Variants in LINS1 observed in about 807,000 individuals in gnomAD.
The protein encoded by LINS1 is protein Lines homolog 1.
Under a neutral mutation model 41.6 loss-of-function variants are expected in LINS1, and 27 were observed. The observed-to-expected ratio is 0.65, with a 90% CI of 0.48 to 0.89. The LOEUF (loss-of-function observed/expected upper bound fraction) is 0.89. LINS1 is among the 40% of genes least tolerant of loss of function. The pLI is 0.00. For synonymous variants in LINS1, 336 were observed against 312.9 expected (o/e 1.07, Z -0.78); for missense variants, 955 against 884.1 (o/e 1.08, Z -1.02).
Position 100,574,024 on chromosome 15 carries a change from C to T in LINS1, c.849G>A (p.Met283Ile), listed in dbSNP as rs756116468. The T allele has an allele frequency of 2.5e-6, 4 of 1,613,856 alleles. No homozygotes were observed. In the African/African-American group the frequency reaches 5.3e-5, roughly 22 times the overall value. Residue 283 changes from methionine (M) to isoleucine (I), a missense_variant, in exon 5 of 7, where the codon ATG (methionine) becomes ATA (isoleucine). Coordinates refer to ENST00000314742, the MANE Select transcript of LINS1 (RefSeq NM_001040616.3). ...GAATAGGCCAGGTAATAACTTCTAGCATGCAAGATGGTTTCAAAAATAAAA... is the reference window on the plus strand; with the variant it reads ...GAATAGGCCAGGTAATAACTTCTAGTATGCAAGATGGTTTCAAAAATAAAA... ...QRILFLKPSC[M>I]LEVITWPIQA... is the part of the protein sequence containing the mutation.
chr15:100,571,804 A>G, intron 6 of LINS1, 90 bp downstream of exon 6: 3 of 1,459,944 alleles, frequency 2.1e-6, no homozygotes, highest in South Asian at 1.2e-5. Flanking sequence ...CAAATGATGA[A>G]AGTAAGCAAC....
intron 1 of LINS1, among the ~76,000 whole-genome samples, chr15:100,591,175 C>T (rs62037127): frequency 0.15 from 23,110 of 152,052 alleles, 2,228 homozygotes; most frequent in South Asian, 0.23. Flanking sequence ...AAAACTCTGT[C>T]TCAAAAAATA....
chr15:100,600,785 C>A (rs577284259), intron 1 of LINS1, among the ~76,000 whole-genome samples: 1 of 152,206 alleles, frequency 6.6e-6, no homozygotes, highest in Non-Finnish European at 1.5e-5. Flanking sequence ...CACTACTGCA[C>A]TTCTACTCTG....
At chr15:100,571,540 A>T (rs2037823876) in intron 6 of LINS1, among the ~76,000 whole-genome samples, 1 of 152,248 alleles carries the variant, frequency 6.6e-6, no homozygotes, top group African/African-American at 2.4e-5. Context: ...AAAGGCAAAG[A>T]TCATCTTACT....
chr15:100,597,026 G>A (rs1470780530), intron 1 of LINS1: 2 of 152,192 alleles, frequency 1.3e-5, no homozygotes, highest in South Asian at 2.1e-4. Context: ...TAGAATATTT[G>A]TGCCTTCATC....
chr15:100,596,112 T>C (rs1255792243), intron 1 of LINS1, among the ~76,000 whole-genome samples: 1 of 152,216 alleles, frequency 6.6e-6, no homozygotes, highest in East Asian at 1.9e-4. Context: ...GAAGGCAGGC[T>C]GGACTTTCAA....
chr15:100,593,894 C>T (rs896445613), intron 1 of LINS1, among the ~76,000 whole-genome samples: 3 of 152,170 alleles, frequency 2.0e-5, no homozygotes, highest in Admixed American at 1.3e-4. Context: ...CCAATATAAA[C>T]TAAGATTAAT....
At position 100,600,551 on chromosome 15, in the gene LINS1, CAA is replaced by C. The variant is rs56911211; in HGVS notation, c.-104+1568_-104+1569del. ...TTTACATTGGAGTCCTGCTGTTAAG[CAA>C]AAAAAAAAAAAAAAAAAACAGGGAG... On this transcript the variant is annotated intron_variant, in intron 1 of 6. Transcript: ENST00000314742. Among the ~76,000 whole-genome samples, 679 of 79,636 alleles carry C rather than the reference CAA, an allele frequency of 8.5e-3. 8 individuals carry two copies. The highest frequency in any genetic ancestry group is 0.037 in the African/African-American group (551 of 14,968). The allele number at this position is 79,636 out of a possible 152,430, so 52.2% of individuals were successfully genotyped here. A position where few individuals can be genotyped will look rare whatever the true frequency, so the allele number is the denominator to read the frequency against.
At position 100,574,155 on chromosome 15, in the gene LINS1, G is replaced by A. The variant is rs145145735; in HGVS notation, c.718C>T (p.Arg240Trp). Residue 240 changes from arginine (R) to tryptophan (W), a missense_variant, in exon 5 of 7, where the codon CGG becomes TGG. Physicochemically the swap from Arg to Trp is moderately radical, Grantham distance 101. Coordinates refer to ENST00000314742, the MANE Select transcript of LINS1 (RefSeq NM_001040616.3). The stretch of plus-strand genomic sequence containing the variant: ...ATGTTTACTATTTTAGAAGTATCCC[G>A]GCAGTTTTCAAAATGCTGAGAGAAT... The part of the protein sequence containing the change: ...SLFSQHFENC[R>W]DTSKIVNILM... 7.7e-4 allele frequency: 1,235 copies of A among 1,613,688 alleles called. 4 individuals are homozygous for A. The African/African-American group carries it at 0.014, about 19-fold the overall frequency.
intron 1 of LINS1, among the ~76,000 whole-genome samples, chr15:100,592,745 T>C (rs1248964659): frequency 6.6e-6 from 1 of 152,208 alleles, no homozygotes; most frequent in Non-Finnish European, 1.5e-5. Context: ...GATGGGCCTG[T>C]AATCTTAGAT....
chr15:100,573,641 G>T lies in LINS1; in HGVS notation c.1222+10C>A. The T allele has an allele frequency of 6.7e-7, 1 of 1,497,572 alleles. No individual in the cohort carries two copies. Among genetic ancestry groups the T allele is most frequent in the Non-Finnish European group, 9.3e-7 (1 of 1,076,504 alleles). The allele number at this position is 1,497,572 out of a possible 1,614,324, so 92.8% of individuals were successfully genotyped here. A position where few individuals can be genotyped will look rare whatever the true frequency, so the allele number is the denominator to read the frequency against. On this transcript the variant is annotated intron_variant, in intron 5 of 6. Coordinates refer to ENST00000314742, the MANE Select transcript of LINS1 (RefSeq NM_001040616.3). ...TACACACTGCATACAAAAGGAGTTT[G>T]GAGAATTACCTTTCACTTCACTTGC...
intron 1 of LINS1, among the ~76,000 whole-genome samples, chr15:100,585,036 T>C (rs946819526): frequency 1.3e-5 from 2 of 152,208 alleles, no homozygotes; most frequent in African/African-American, 4.8e-5. Context: ...TCTAGTGGAA[T>C]GAGAAGCACG....
Position 100,569,586 on chromosome 15 carries a change from C to A in LINS1, c.1926G>T (p.Gln642His). Residue 642 changes from glutamine (Q) to histidine (H), a missense_variant, in exon 7 of 7, where the codon CAG becomes CAT. Physicochemically the swap from Gln to His is conservative, Grantham distance 24. Transcript: ENST00000314742. Reference sequence around the variant, plus strand: ...ATGTCTGTTTACTGTTAGCTAAACACTGCTCTGTGGATTCCACGTCAGAAT... The same window carrying A: ...ATGTCTGTTTACTGTTAGCTAAACAATGCTCTGTGGATTCCACGTCAGAAT... ...SDDSDVESTEQCLANSKQTSL... is the reference protein window; with the variant it reads ...SDDSDVESTEHCLANSKQTSL... 1 of 1,613,980 alleles carries A rather than the reference C, an allele frequency of 6.2e-7. No homozygotes were observed. Among genetic ancestry groups the A allele is most frequent in the Non-Finnish European group, 8.5e-7 (1 of 1,179,844 alleles).
In LINS1 at chr15:100,569,566, T is replaced by A; in HGVS notation, c.1946A>T (p.Gln649Leu). 6.2e-7 allele frequency: 1 copy of A among 1,614,220 alleles called. No individual in the cohort carries two copies. Among genetic ancestry groups the A allele is most frequent in the Non-Finnish European group, 8.5e-7 (1 of 1,180,026 alleles). Reference sequence around the variant, plus strand: ...AGTTGCTTGCTGGTGTAAAGATGTCTGTTTACTGTTAGCTAAACACTGCTC... The same window carrying A: ...AGTTGCTTGCTGGTGTAAAGATGTCAGTTTACTGTTAGCTAAACACTGCTC... ...STEQCLANSK[Q>L]TSLHQQATKE... The change falls in exon 7 of 7, where the codon CAG (glutamine) becomes CTG (leucine). Residue 649 changes from glutamine (Q) to leucine (L), a missense_variant. Physicochemically the swap from Gln to Leu is moderately radical, Grantham distance 113. Coordinates refer to ENST00000314742, the MANE Select transcript of LINS1 (RefSeq NM_001040616.3).
intron 1 of LINS1, among the ~76,000 whole-genome samples, chr15:100,589,859 C>T (rs1215041356): frequency 2.0e-5 from 3 of 152,142 alleles, no homozygotes; most frequent in African/African-American, 7.2e-5. Context: ...GTCATTACGC[C>T]ACAGTGTATT....
At chr15:100,574,834 AG>A (rs1158042552) in intron 4 of LINS1, among the ~76,000 whole-genome samples, 152 bp downstream of exon 4, 2 of 152,246 alleles carry the variant, frequency 1.3e-5, no homozygotes, top group Non-Finnish European at 2.9e-5. Flanking sequence ...CTTTTAAAAC[AG>A]GTTATCCTCA....
chr15:100,585,608 C>A (rs893915608), intron 1 of LINS1, among the ~76,000 whole-genome samples: 4 of 152,126 alleles, frequency 2.6e-5, no homozygotes, highest in Non-Finnish European at 4.4e-5. Flanking sequence ...GTAAAACTGG[C>A]GAGCTTGTAT....
At chr15:100,584,050 A>AT (rs1235342774) in intron 1 of LINS1, among the ~76,000 whole-genome samples, 1 of 151,300 alleles carries the variant, frequency 6.6e-6, no homozygotes, top group Non-Finnish European at 1.5e-5. Context: ...AATCTCCTTA[A>AT]TTGCCTGATA....
At chr15:100,570,171 G>T in intron 6 of LINS1, 54 bp from the exon 7 acceptor site, 1 of 1,308,300 alleles carries the variant, frequency 7.6e-7, no homozygotes, top group Non-Finnish European at 1.1e-6. Flanking sequence ...AAAATAAACA[G>T]TTTTACCAGA....
Sources: allele counts gnomAD v4.1 joint callset (sites outside exome capture counted in the v4.1 genomes callset), GRCh38; gene constraint gnomAD v4.1.1; transcripts MANE v1.5; gene names NCBI Gene and HGNC (gene_info 2026-07-23, HGNC 2026-07-21).